Variants in PCDHGB2 observed in about 807,000 individuals in gnomAD.
PCDHGB2 encodes the protein protocadherin gamma-B2.
PCDHGB2 carries 55 observed loss-of-function variants against 59.3 expected under a neutral mutation model. The observed-to-expected ratio is 0.93, with a 90% CI of 0.75 to 1.16. PCDHGB2 has a LOEUF of 1.16. PCDHGB2 is among the 50% of genes most tolerant of loss of function. The probability of loss-of-function intolerance (pLI) is 0.00; values close to 1 mark genes in which losing one functional copy is unlikely to be tolerated. For synonymous variants in PCDHGB2, 516 were observed against 512.0 expected (o/e 1.01, Z -0.11); for missense variants, 1,228 against 1,198.5 (o/e 1.02, Z -0.36).
rs61612330 is a variant in PCDHGB2, at chr5:141,454,796, A to ATTTTTTTTTTTTTTTTTTTTTTT, written c.2422-40004_2422-39982dup. Among the ~76,000 whole-genome samples, 6 of 77,456 alleles carry ATTTTTTTTTTTTTTTTTTTTTTT rather than the reference A, an allele frequency of 7.7e-5. 1 individual carries two copies. The highest frequency in any genetic ancestry group is 8.0e-4 in the East Asian group (2 of 2,512). 50.8% of individuals were successfully genotyped at this position (77,456 alleles called of 152,430 possible). Reference sequence around the variant, plus strand: ...AAGGAAATAATCCTCCATGGTTCTAATTTTTTTTTTTTTTTTTTTTTTTTT... The same window carrying ATTTTTTTTTTTTTTTTTTTTTTT: ...AAGGAAATAATCCTCCATGGTTCTAATTTTTTTTTTTTTTTTTTTTTTTTTTTTTTTTTTTTTTTTTTTTTTTT... On this transcript the variant is annotated intron_variant, in intron 1 of 3. Transcript: ENST00000522605.
At chr5:141,409,741 G>A in intron 1 of PCDHGB2, 2 of 1,613,122 alleles carry the variant, frequency 1.2e-6, no homozygotes, top group Non-Finnish European at 1.7e-6. Context: ...AGAGCGGGGT[G>A]GTGTTCGCGC....
At position 141,511,248 on chromosome 5, in the gene PCDHGB2, C is replaced by T; in HGVS notation, c.*75C>T. ...AGCTTCTCCTTACCTGCACCCAGGC[C>T]TCAGAGTTTCAGGGCTAACCCCCAG... On this transcript the variant is annotated 3_prime_UTR_variant, in exon 4 of 4. Transcript: ENST00000522605. 6.4e-7 allele frequency: 1 copy of T among 1,574,736 alleles called. No homozygotes were observed. The highest frequency in any genetic ancestry group is 8.6e-7 in the Non-Finnish European group (1 of 1,160,336).
chr5:141,477,644 T>A lies in PCDHGB2; in HGVS notation c.2422-17163T>A. On this transcript the variant is annotated intron_variant, in intron 1 of 3. Coordinates refer to ENST00000522605, the MANE Select transcript of PCDHGB2 (RefSeq NM_018923.3). The surrounding 1 kb of genome is among the most constrained non-coding windows in gnomAD (Gnocchi z 4.9). ...TGAAACCGGGCTAGTGGGTCGCTAT[T>A]TCACAATAAATCGTGACAATGGCAT... The A allele has an allele frequency of 6.2e-7, 1 of 1,614,200 alleles. No homozygotes were observed. Among genetic ancestry groups the A allele is most frequent in the Non-Finnish European group, 8.5e-7 (1 of 1,180,036 alleles).
rs1335023784 is a variant in PCDHGB2 at position 141,490,877 on chromosome 5, C to CCAA, written c.2422-3927_2422-3925dup. 2.5e-6 allele frequency: 4 copies of CCAA among 1,613,762 alleles called. No homozygotes were observed. Among genetic ancestry groups the CCAA allele is most frequent in the Non-Finnish European group, 3.4e-6 (4 of 1,179,908 alleles). On this transcript the variant is annotated intron_variant, in intron 1 of 3. Transcript: ENST00000522605. This position sits in a 1 kb window ranked among gnomAD's most constrained non-coding sequence, Gnocchi z 5.4. ...GACTCCGGCTCTCCCCCATTGCATG[C>CCAA]CAACACATCTCTGCATGTGTTTGTC...
intron 1 of PCDHGB2, chr5:141,365,800 C>T: frequency 2.5e-6 from 4 of 1,613,914 alleles, no homozygotes; most frequent in South Asian, 2.2e-5. Flanking sequence ...TCACCTACTC[C>T]CTGGCTGAAG....
chr5:141,420,076 T>TC, intron 1 of PCDHGB2: 1 of 1,613,956 alleles, frequency 6.2e-7, no homozygotes, highest in Non-Finnish European at 8.5e-7. Context: ...GACCTGTGGG[T>TC]CCCCCCAACT....
At chr5:141,408,889 A>T in intron 1 of PCDHGB2, 3 of 1,613,232 alleles carry the variant, frequency 1.9e-6, no homozygotes, top group Non-Finnish European at 2.5e-6. Flanking sequence ...CTCACATAGA[A>T]ATTTCTGTCA....
At chr5:141,430,743 T>C in intron 1 of PCDHGB2, 1 of 1,498,372 alleles carries the variant, frequency 6.7e-7, no homozygotes, top group Non-Finnish European at 8.9e-7. Flanking sequence ...TGAAAATAAT[T>C]CTGGAGGAAG....
chr5:141,388,426 T>A, intron 1 of PCDHGB2: 1 of 1,613,864 alleles, frequency 6.2e-7, no homozygotes, highest in Non-Finnish European at 8.5e-7. Flanking sequence ...TTCTCACTGA[T>A]AAATAAAGAG....
intron 1 of PCDHGB2, chr5:141,364,133 C>A: frequency 2.1e-6 from 1 of 484,590 alleles, no homozygotes. Context: ...CGCTGTTGAC[C>A]AAAGTGGGAA....
chr5:141,366,403 C>CT (rs1296449913), intron 1 of PCDHGB2: 9 of 1,614,094 alleles, frequency 5.6e-6, no homozygotes, highest in African/African-American at 1.3e-5. Context: ...ACCTCACACT[C>CT]TATCTTGTGG....
At chr5:141,399,785 A>G (rs748714301) in intron 1 of PCDHGB2, 6 of 1,613,294 alleles carry the variant, frequency 3.7e-6, no homozygotes, top group South Asian at 1.1e-5. Context: ...GACCGAAACG[A>G]CAACGCACCG....
chr5:141,471,124 A>C (rs2099250596), intron 1 of PCDHGB2, among the ~76,000 whole-genome samples: 1 of 141,916 alleles, frequency 7.0e-6, no homozygotes, highest in East Asian at 2.1e-4. Flanking sequence ...TCTTACCTTC[A>C]CTGCAACCTC....
chr5:141,457,877 C>A (rs1488774514), intron 1 of PCDHGB2, among the ~76,000 whole-genome samples: 1 of 152,196 alleles, frequency 6.6e-6, no homozygotes, highest in Admixed American at 6.6e-5. Context: ...AGGTTAGGAA[C>A]CCTGTGTGGG....
chr5:141,415,465 A>G (rs751798354), intron 1 of PCDHGB2: 19 of 1,613,976 alleles, frequency 1.2e-5, no homozygotes, highest in Non-Finnish European at 1.5e-5. Context: ...GGTCTCTCTC[A>G]CCGCGGACTC....
chr5:141,494,937 G>C (rs759078748), intron 2 of PCDHGB2, 72 bp downstream of exon 2: 1 of 1,612,276 alleles, frequency 6.2e-7, no homozygotes, highest in African/African-American at 1.3e-5. Flanking sequence ...GAGGAGATGG[G>C]GGAGGGCCCA....
chr5:141,486,175 C>T lies in PCDHGB2; in HGVS notation c.2422-8632C>T. ...GTTCTCCAGCCATGGAGCAACATTG[C>T]AGCCTTCGAGTGGATCTGCTGGACG... On this transcript the variant is annotated intron_variant, in intron 1 of 3. Transcript: ENST00000522605. The surrounding 1 kb of genome is among the most constrained non-coding windows in gnomAD (Gnocchi z 5.0). 1 of 1,614,210 alleles carries T rather than the reference C, an allele frequency of 6.2e-7. No individual in the cohort carries two copies.
At position 141,500,184 on chromosome 5, in the gene PCDHGB2, TTTTATTTATTTATTTA is replaced by T. The variant is rs58019021; in HGVS notation, c.2481-5182_2481-5167del. Among the ~76,000 whole-genome samples the T allele has an allele frequency of 2.1e-3, 289 of 135,964 alleles. 1 individual carries two copies. Among genetic ancestry groups the T allele is most frequent in the Middle Eastern group, 0.016 (4 of 248 alleles). The allele number at this position is 135,964 out of a possible 152,430, so 89.2% of individuals were successfully genotyped here. A position where few individuals can be genotyped will look rare whatever the true frequency, so the allele number is the denominator to read the frequency against. On this transcript the variant is annotated intron_variant, in intron 2 of 3. Coordinates refer to ENST00000522605, the MANE Select transcript of PCDHGB2 (RefSeq NM_018923.3). ...GAACATGCATGAGCTTCATTTTTAT[TTTTATTTATTTATTTA>T]TTTATTTATTTATTTATTTATTTAT...
intron 1 of PCDHGB2, chr5:141,375,805 C>G (rs748127561): frequency 6.2e-7 from 1 of 1,614,214 alleles, no homozygotes; most frequent in Admixed American, 1.7e-5. Flanking sequence ...GTTCCACTGG[C>G]GTGGAGCTGG....
Sources: gnomAD v4.1 joint callset for allele counts (sites outside exome capture counted in the v4.1 genomes callset) on GRCh38, gnomAD v4.1.1 for gene constraint, Gnocchi (gnomAD v3.1) non-coding constraint, MANE v1.5 for transcripts, NCBI Gene and HGNC (gene_info 2026-07-23, HGNC 2026-07-21) for gene names.